Variants in AGAP1 observed in about 807,000 individuals in gnomAD.
AGAP1 encodes arf-GAP with GTPase, ANK repeat and PH domain-containing protein 1.
Under a neutral mutation model 105.3 loss-of-function variants are expected in AGAP1, and 29 were observed. That is an observed-to-expected ratio of 0.28 (90% confidence interval 0.21 to 0.38). The LOEUF is 0.38. Among genes scored for constraint, AGAP1 ranks in the 10% least tolerant of loss-of-function variants. The pLI is 1.00. For synonymous variants in AGAP1, 509 were observed against 485.9 expected (o/e 1.05, Z -0.63); for missense variants, 998 against 1,165.1 (o/e 0.86, Z 2.09).
intron 1 of AGAP1, among the ~76,000 whole-genome samples, chr2:235,532,936 G>A (rs190952424): frequency 3.3e-5 from 5 of 152,122 alleles, no homozygotes; most frequent in South Asian, 2.1e-4. Context: ...TGGGGCTTTC[G>A]CTTTCCTTGG....
chr2:235,791,763 G>A (rs1378125698), intron 6 of AGAP1, among the ~76,000 whole-genome samples: 1 of 152,084 alleles, frequency 6.6e-6, no homozygotes, highest in Admixed American at 6.6e-5. Context: ...GACCAGGCTG[G>A]TCCAAACTCC....
Position 235,741,144 on chromosome 2 carries a change from C to CA in AGAP1, c.396+102dup. The stretch of plus-strand genomic sequence containing the variant: ...TTCTAGAAATCGGTGACTTGGTTTC[C>CA]AAAAAAGTGGAAACCCCATAAAAAA... On this transcript the variant is annotated intron_variant, in intron 4 of 17. Transcript: ENST00000304032. The surrounding 1 kb of genome is among the most constrained non-coding windows in gnomAD (Gnocchi z 4.9). 2 of 1,050,808 alleles carry CA rather than the reference C, an allele frequency of 1.9e-6. No individual in the cohort carries two copies. Among genetic ancestry groups the CA allele is most frequent in the Non-Finnish European group, 2.6e-6 (2 of 763,738 alleles). The allele number at this position is 1,050,808 out of a possible 1,614,324, so 65.1% of individuals were successfully genotyped here.
intron 6 of AGAP1, among the ~76,000 whole-genome samples, chr2:235,776,642 G>T (rs975879563): frequency 6.6e-6 from 1 of 152,176 alleles, no homozygotes; most frequent in African/African-American, 2.4e-5. Flanking sequence ...GTCCCAGTGG[G>T]CGTCACTCGC....
At chr2:235,980,229 C>T (rs551436170) in intron 13 of AGAP1, among the ~76,000 whole-genome samples, 16 of 152,222 alleles carry the variant, frequency 1.1e-4, no homozygotes, top group Non-Finnish European at 2.4e-4. Flanking sequence ...CCCTGTGCTC[C>T]TCGAATAGTC....
Position 235,930,836 on chromosome 2 carries a change from G to A in AGAP1, c.1396G>A (p.Asp466Asn), listed in dbSNP as rs139914282. The change falls in exon 12 of 18, where the codon GAC becomes AAC. Residue 466 changes from aspartate (D) to asparagine (N), a missense_variant. Asp to Asn is a conservative substitution (Grantham distance 23). This residue lies in a region of AGAP1 where 735 missense variants were observed against 833.4 expected (regional missense o/e 0.88). Coordinates refer to ENST00000304032, the MANE Select transcript of AGAP1 (RefSeq NM_001037131.3). The surrounding 1 kb of genome is among the most constrained non-coding windows in gnomAD (Gnocchi z 7.9). ...ISLVSFNSRP[D>N]GMHQRSYSVS... ...CCTGGTCTCCTTCAACAGCCGACCC[G>A]ACGGCATGCACCAGCGCTCCTACTC... The A allele has an allele frequency of 8.7e-6, 14 of 1,614,006 alleles. No homozygotes were observed. The highest frequency in any genetic ancestry group is 1.7e-5 in the Admixed American group (1 of 60,008).
intron 6 of AGAP1, among the ~76,000 whole-genome samples, chr2:235,786,453 T>G (rs910253998): frequency 6.6e-6 from 1 of 152,240 alleles, no homozygotes; most frequent in Admixed American, 6.5e-5. Context: ...CCATTTCAGA[T>G]TAATCTAAGC....
At position 235,538,435 on chromosome 2, in the gene AGAP1, G is replaced by GTGTGTGTGTGTGTGTT. The variant is rs1943315138; in HGVS notation, c.163+43601_163+43602insTTGTGTGTGTGTGTGT. 1.3e-5 allele frequency among the ~76,000 whole-genome samples: 2 copies of GTGTGTGTGTGTGTGTT among 149,036 alleles called. 1 individual carries two copies. Among genetic ancestry groups the GTGTGTGTGTGTGTGTT allele is most frequent in the South Asian group, 4.3e-4 (2 of 4,654 alleles). On this transcript the variant is annotated intron_variant, in intron 1 of 17. Coordinates refer to ENST00000304032, the MANE Select transcript of AGAP1 (RefSeq NM_001037131.3). ...GAAGAACCTCAGCCACTATGTGTGT[G>GTGTGTGTGTGTGTGTT]TGTGTGTGTGTGTGTGTGTGTGTGT...
At chr2:235,926,444 G>T (rs2052450172) in intron 11 of AGAP1, among the ~76,000 whole-genome samples, 1 of 152,194 alleles carries the variant, frequency 6.6e-6, no homozygotes. Flanking sequence ...TCAGGTCGTG[G>T]ACCACTGGTT....
chr2:235,892,543 A>T (rs994345975), intron 10 of AGAP1, among the ~76,000 whole-genome samples: 1 of 151,614 alleles, frequency 6.6e-6, no homozygotes, highest in Non-Finnish European at 1.5e-5. Flanking sequence ...ATCTGTGATG[A>T]TTCCTAAGTA....
intron 7 of AGAP1, 22 bp downstream of exon 7, chr2:235,797,908 G>GGTAACCA: frequency 6.2e-7 from 1 of 1,613,718 alleles, no homozygotes; most frequent in Non-Finnish European, 8.5e-7. Flanking sequence ...GACATGAGAA[G>GGTAACCA]TCAGACTCTT....
Position 235,549,476 on chromosome 2 carries a change from C to T in AGAP1, c.163+54627C>T, listed in dbSNP as rs78347274. 0.01 allele frequency among the ~76,000 whole-genome samples: 1,568 copies of T among 152,288 alleles called. 19 individuals are homozygous for T. The highest frequency in any genetic ancestry group is 0.036 in the African/African-American group (1,480 of 41,558). ...TGTTCATCAGCCAGCATGAGACCCTCGCTTCCAGCCTGTGCCTTTAGCCCA... is the reference window on the plus strand; with the variant it reads ...TGTTCATCAGCCAGCATGAGACCCTTGCTTCCAGCCTGTGCCTTTAGCCCA... On this transcript the variant is annotated intron_variant, in intron 1 of 17. Coordinates refer to ENST00000304032, the MANE Select transcript of AGAP1 (RefSeq NM_001037131.3). The surrounding 1 kb of genome is among the most constrained non-coding windows in gnomAD (Gnocchi z 4.2).
At chr2:235,669,029 A>G (rs958914848) in intron 1 of AGAP1, among the ~76,000 whole-genome samples, 1 of 152,250 alleles carries the variant, frequency 6.6e-6, no homozygotes, top group Middle Eastern at 3.4e-3. Flanking sequence ...ACCCTACAAG[A>G]TTATTTTAGA....
At chr2:235,802,339 C>T (rs537805749) in intron 8 of AGAP1, among the ~76,000 whole-genome samples, 1 of 152,284 alleles carries the variant, frequency 6.6e-6, no homozygotes, top group East Asian at 1.9e-4. Flanking sequence ...CCAAAAATCA[C>T]CATTAATTAT....
intron 13 of AGAP1, among the ~76,000 whole-genome samples, chr2:235,985,005 C>G (rs2055252333): frequency 6.6e-6 from 1 of 152,140 alleles, no homozygotes; most frequent in Non-Finnish European, 1.5e-5. Context: ...ATTTCTGGCT[C>G]TAGATCCTTG....
chr2:236,073,001 CT>C lies in AGAP1; in HGVS notation c.2114+23733del, dbSNP rs60857911. On this transcript the variant is annotated intron_variant, in intron 16 of 17. Transcript: ENST00000304032. This position sits in a 1 kb window ranked among gnomAD's most constrained non-coding sequence, Gnocchi z 5.4. ...AAAGCATTCAGGAGATATTTATATT[CT>C]TTTTTTTTTTTTCCTAGACAGTCTC... 0.031 allele frequency among the ~76,000 whole-genome samples: 4,537 copies of C among 145,542 alleles called. 169 individuals carry two copies. Among genetic ancestry groups the C allele is most frequent in the African/African-American group, 0.097 (3,907 of 40,152 alleles).
At chr2:235,530,419 C>T (rs1296830072) in intron 1 of AGAP1, among the ~76,000 whole-genome samples, 1 of 152,202 alleles carries the variant, frequency 6.6e-6, no homozygotes, top group Non-Finnish European at 1.5e-5. Context: ...ACCCCAGATG[C>T]AGTGGCTTCA....
intron 9 of AGAP1, among the ~76,000 whole-genome samples, chr2:235,817,452 A>G (rs555402945): frequency 5.9e-4 from 90 of 152,178 alleles, no homozygotes; most frequent in African/African-American, 1.9e-3. Flanking sequence ...TTCCTCTCCT[A>G]CATCTAAAAG....
rs766970751 is a variant in AGAP1, at chr2:235,895,734, GATGGATGGATGGATGA to G, written c.1155+12291_1155+12306del. ...GGATGGATGGATGGATGGATGGATG[GATGGATGGATGGATGA>G]ATGGAGGCACAATTAGCCCATATGC... On this transcript the variant is annotated intron_variant, in intron 10 of 17. Transcript: ENST00000304032. Among the ~76,000 whole-genome samples the G allele has an allele frequency of 4.8e-3, 691 of 144,132 alleles. 4 individuals carry two copies. Among genetic ancestry groups the G allele is most frequent in the South Asian group, 0.029 (132 of 4,626 alleles). 94.6% of individuals were successfully genotyped at this position (144,132 alleles called of 152,430 possible).
chr2:236,102,366 C>T (rs1171704705), intron 16 of AGAP1, among the ~76,000 whole-genome samples: 5 of 143,238 alleles, frequency 3.5e-5, no homozygotes, highest in Non-Finnish European at 7.5e-5. Flanking sequence ...TGCATTGAGG[C>T]GAGATCATGC....
Sources: gnomAD v4.1 joint callset for allele counts (sites outside exome capture counted in the v4.1 genomes callset) on GRCh38, gnomAD v4.1.1 for gene constraint, gnomAD v4.1.1 regional missense constraint, Gnocchi (gnomAD v3.1) non-coding constraint, MANE v1.5 for transcripts, NCBI Gene and HGNC (gene_info 2026-07-23, HGNC 2026-07-21) for gene names.